NEGR1: variants seen among roughly 807,000 people sequenced by gnomAD.
NEGR1 encodes the protein IgLON family member 4.
Under a neutral mutation model 40.9 loss-of-function variants are expected in NEGR1, and 10 were observed. The ratio of observed to expected loss-of-function variants is 0.24; its 90% confidence interval spans 0.15 to 0.42. The LOEUF (loss-of-function observed/expected upper bound fraction) is 0.42, where lower values mean the gene tolerates loss of function less well. NEGR1 is among the 10% of genes least tolerant of loss of function. The pLI is 1.00. For missense variants in NEGR1, 352 were observed against 438.9 expected, an observed-to-expected ratio of 0.80 and a Z score of 1.77; for synonymous variants, 185 against 166.8, an observed-to-expected ratio of 1.11 and a Z score of -0.84.
rs1189607512 is a variant in NEGR1, at chr1:71,695,848, C to T, written c.667+2160G>A. On this transcript the variant is annotated intron_variant, in intron 4 of 6. Transcript: ENST00000357731. ...ATCCAGTTTAATAAAGATAATTTCC[C>T]TCTCTATGGCAAAGGGCAGGTTTGT... is the stretch of plus-strand genomic sequence containing the variant. Among the ~76,000 whole-genome samples, 4 of 151,904 alleles carry T rather than the reference C, an allele frequency of 2.6e-5. No individual in the cohort carries two copies. In the South Asian group the frequency reaches 8.3e-4, roughly 32 times the overall value.
chr1:71,938,369 T>TA (rs1290774066), intron 1 of NEGR1, among the ~76,000 whole-genome samples: 1 of 146,582 alleles, frequency 6.8e-6, no homozygotes, highest in Non-Finnish European at 1.5e-5. Context: ...AGGCCAAACA[T>TA]ACACACATAC....
intron 1 of NEGR1, among the ~76,000 whole-genome samples, chr1:72,163,615 G>A (rs895402641): frequency 6.6e-6 from 1 of 151,926 alleles, no homozygotes; most frequent in African/African-American, 2.4e-5. Context: ...ATCTGAAGGT[G>A]CCTCCATATA....
At chr1:71,582,377 C>A (rs1016769680) in intron 6 of NEGR1, among the ~76,000 whole-genome samples, 3 of 152,036 alleles carry the variant, frequency 2.0e-5, no homozygotes, top group Non-Finnish European at 4.4e-5. Flanking sequence ...AGAATACAAT[C>A]CTATACAGAC....
chr1:71,715,596 A>G (rs499164), intron 3 of NEGR1, among the ~76,000 whole-genome samples: 1 of 152,184 alleles, frequency 6.6e-6, no homozygotes, highest in East Asian at 1.9e-4. Flanking sequence ...GCTGCTAGAA[A>G]CTTCTTCTGC....
chr1:72,063,176 ATATTTTT>A (rs1647204290), intron 1 of NEGR1, among the ~76,000 whole-genome samples: 1 of 152,010 alleles, frequency 6.6e-6, no homozygotes, highest in South Asian at 2.1e-4. Flanking sequence ...TTGAAATTAA[ATATTTTT>A]CCTGGATAAT....
At chr1:72,281,819 AGAAAGAAAACAGAAAGCG>A (rs1656264251) in intron 1 of NEGR1, among the ~76,000 whole-genome samples, 1 of 152,152 alleles carries the variant, frequency 6.6e-6, no homozygotes, top group African/African-American at 2.4e-5. Flanking sequence ...GAAGGAGAAA[AGAAAGAAAACAGAAAGCG>A]GTAAAAGGAA....
At chr1:71,589,758 T>C (rs1649436927) in intron 6 of NEGR1, among the ~76,000 whole-genome samples, 1 of 74,880 alleles carries the variant, frequency 1.3e-5, no homozygotes, top group Non-Finnish European at 3.3e-5. Context: ...ATTTTGCCTT[T>C]AGAATTAAAA....
intron 6 of NEGR1, among the ~76,000 whole-genome samples, chr1:71,581,721 G>A (rs1474373411): frequency 9.8e-6 from 1 of 102,364 alleles, no homozygotes; most frequent in Non-Finnish European, 2.2e-5. Flanking sequence ...TTTTAAATTT[G>A]AGACCGGGTC....
intron 3 of NEGR1, among the ~76,000 whole-genome samples, chr1:71,727,324 C>A (rs1654706665): frequency 6.6e-6 from 1 of 151,972 alleles, no homozygotes; most frequent in Non-Finnish European, 1.5e-5. Flanking sequence ...TAAGTAATAA[C>A]CACTTTGAAT....
chr1:71,824,696 A>G (rs914946703), intron 2 of NEGR1, among the ~76,000 whole-genome samples: 10 of 151,934 alleles, frequency 6.6e-5, no homozygotes, highest in African/African-American at 2.4e-4. Flanking sequence ...CCACACATAG[A>G]AGAAGCAAGA....
intron 2 of NEGR1, among the ~76,000 whole-genome samples, chr1:71,830,438 T>C (rs1298403507): frequency 6.6e-6 from 1 of 151,776 alleles, no homozygotes; most frequent in East Asian, 1.9e-4. Context: ...TGGGAGTGGC[T>C]GTGTTGAATA....
chr1:71,865,354 G>C (rs1350787767), intron 2 of NEGR1, among the ~76,000 whole-genome samples: 1 of 152,120 alleles, frequency 6.6e-6, no homozygotes, highest in African/African-American at 2.4e-5. Flanking sequence ...ATCAATGATA[G>C]ACTTGATAAA....
rs748776917 is a variant in NEGR1 at position 72,256,298 on chromosome 1, A to G, written c.176+26021T>C. 1.7e-4 allele frequency among the ~76,000 whole-genome samples: 26 copies of G among 150,336 alleles called. 1 individual carries two copies. Among genetic ancestry groups the G allele is most frequent in the Non-Finnish European group, 3.4e-4 (23 of 67,816 alleles). Reference sequence around the variant, plus strand: ...ACAGGATATCATCAAGAAATATCACAAAAGTGTTGACACAATGCTCATCCA... The same window carrying G: ...ACAGGATATCATCAAGAAATATCACGAAAGTGTTGACACAATGCTCATCCA... On this transcript the variant is annotated intron_variant, in intron 1 of 6. Transcript: ENST00000357731.
Position 71,664,736 on chromosome 1 carries a change from AT to A in NEGR1, c.667+33271del, listed in dbSNP as rs199620685. 7.6e-3 allele frequency among the ~76,000 whole-genome samples: 1,151 copies of A among 151,618 alleles called. 6 individuals are homozygous for A. Among genetic ancestry groups the A allele is most frequent in the African/African-American group, 0.02 (807 of 41,380 alleles). ...TATTTGGCTTCTTTGAGAAAAAAAA[AT>A]ATATATCTCTTTGGTAAGGTTAGAG... On this transcript the variant is annotated intron_variant, in intron 4 of 6. Coordinates refer to ENST00000357731, the MANE Select transcript of NEGR1 (RefSeq NM_173808.3).
intron 4 of NEGR1, among the ~76,000 whole-genome samples, chr1:71,681,592 T>A (rs1013377039): frequency 6.6e-6 from 1 of 152,206 alleles, no homozygotes; most frequent in Non-Finnish European, 1.5e-5. Context: ...TTATTTTTAA[T>A]CCTGGTTGCA....
chr1:71,970,942 C>T (rs1646251376), intron 1 of NEGR1, among the ~76,000 whole-genome samples: 1 of 152,182 alleles, frequency 6.6e-6, no homozygotes, highest in African/African-American at 2.4e-5. Flanking sequence ...TTTAATTTGA[C>T]TCAAAACCTC....
intron 1 of NEGR1, among the ~76,000 whole-genome samples, chr1:72,052,549 T>C (rs886449737): frequency 5.3e-5 from 8 of 151,578 alleles, no homozygotes; most frequent in African/African-American, 1.9e-4. Flanking sequence ...ACAACTTCAA[T>C]TGATGTCACA....
At chr1:72,235,792 T>G (rs1037231068) in intron 1 of NEGR1, among the ~76,000 whole-genome samples, 3 of 152,028 alleles carry the variant, frequency 2.0e-5, no homozygotes, top group African/African-American at 7.2e-5. Context: ...ATGTAACATT[T>G]GAAACAGTTA....
intron 1 of NEGR1, among the ~76,000 whole-genome samples, chr1:72,060,536 T>A (rs1404403740): frequency 6.6e-6 from 1 of 151,674 alleles, no homozygotes; most frequent in Non-Finnish European, 1.5e-5. Flanking sequence ...ATGAAAGATC[T>A]ATGTCTTTTA....
Sources: allele counts gnomAD v4.1 joint callset (sites outside exome capture counted in the v4.1 genomes callset), GRCh38; gene constraint gnomAD v4.1.1; transcripts MANE v1.5; gene names NCBI Gene and HGNC (gene_info 2026-07-23, HGNC 2026-07-21).